The following SMYD3 variants were observed in gnomAD, a reference collection of about 807,000 sequenced individuals.
SMYD3 encodes histone-lysine N-methyltransferase SMYD3.
Under a neutral mutation model 57.7 loss-of-function variants are expected in SMYD3, and 36 were observed. That is an observed-to-expected ratio of 0.62 (90% CI 0.48 to 0.82). The LOEUF (loss-of-function observed/expected upper bound fraction) is 0.82. SMYD3 is among the 40% of genes least tolerant of loss of function. SMYD3 has a pLI of 0.00. For synonymous variants in SMYD3, 211 were observed against 195.0 expected, an observed-to-expected ratio of 1.08 and a Z score of -0.68; for missense variants, 515 against 538.8, an observed-to-expected ratio of 0.96 and a Z score of 0.44.
chr1:246,467,109 G>A (rs2103044807), intron 1 of SMYD3, among the ~76,000 whole-genome samples: 1 of 151,990 alleles, frequency 6.6e-6, no homozygotes, highest in African/African-American at 2.4e-5. Context: ...GGTGGAGGTT[G>A]GAGTGGGCTG....
At chr1:245,899,469 A>G (rs1323768699) in intron 8 of SMYD3, among the ~76,000 whole-genome samples, 2 of 152,230 alleles carry the variant, frequency 1.3e-5, no homozygotes, top group African/African-American at 2.4e-5. Context: ...ATGGCTGTCT[A>G]GTGTAATTCT....
intron 10 of SMYD3, among the ~76,000 whole-genome samples, chr1:245,823,189 G>A (rs765422450): frequency 1.3e-5 from 2 of 152,216 alleles, no homozygotes; most frequent in Non-Finnish European, 2.9e-5. Flanking sequence ...CCAGTAACAG[G>A]AATGGCATTT....
intron 1 of SMYD3, among the ~76,000 whole-genome samples, chr1:246,385,892 A>G (rs1043145911): frequency 1.1e-4 from 16 of 152,156 alleles, no homozygotes; most frequent in Non-Finnish European, 1.6e-4. Flanking sequence ...AAGGCAGTAG[A>G]ACACATACAC....
At chr1:246,292,795 G>C (rs2064720687) in intron 5 of SMYD3, among the ~76,000 whole-genome samples, 1 of 152,096 alleles carries the variant, frequency 6.6e-6, no homozygotes, top group African/African-American at 2.4e-5. Flanking sequence ...CTCTGCAAAA[G>C]GAACACAAAG....
At position 246,478,742 on chromosome 1, in the gene SMYD3, C is replaced by CCGTCCTGGAGCTGGTACGTAAGTGCT. The variant is rs2068061373; in HGVS notation, c.164+28311_164+28312insAGCACTTACGTACCAGCTCCAGGACG. 1.1e-3 allele frequency among the ~76,000 whole-genome samples: 2 copies of CCGTCCTGGAGCTGGTACGTAAGTGCT among 1,756 alleles called. 1 individual carries two copies. Among genetic ancestry groups the CCGTCCTGGAGCTGGTACGTAAGTGCT allele is most frequent in the African/African-American group, 1.3e-3 (2 of 1,490 alleles). The allele number at this position is 1,756 out of a possible 152,430, so 1.2% of individuals were successfully genotyped here. The stretch of plus-strand genomic sequence containing the variant: ...GTGCTCATATATGCACACCTGTCCT[C>CCGTCCTGGAGCTGGTACGTAAGTGCT]CATCTGGAGCTGGTACGTAAGTGCT... On this transcript the variant is annotated intron_variant, in intron 1 of 11. Transcript: ENST00000490107.
chr1:246,375,553 C>T, intron 1 of SMYD3, among the ~76,000 whole-genome samples: 1 of 152,004 alleles, frequency 6.6e-6, no homozygotes, highest in African/African-American at 2.4e-5. Context: ...TACAGTGGTC[C>T]TGAAAGAACA....
intron 5 of SMYD3, among the ~76,000 whole-genome samples, chr1:246,260,426 G>T (rs10924647): frequency 0.13 from 19,573 of 145,004 alleles, 1,369 homozygotes; most frequent in East Asian, 0.21. Flanking sequence ...TTTTCCTTTT[G>T]TTGTTGTTGT....
intron 11 of SMYD3, among the ~76,000 whole-genome samples, chr1:245,760,301 G>A (rs902289881): frequency 7.9e-5 from 12 of 152,268 alleles, no homozygotes; most frequent in African/African-American, 2.6e-4. Flanking sequence ...AGAGCATCCC[G>A]AGGGTGCCCG....
chr1:246,076,736 A>C (rs1832433), intron 5 of SMYD3, among the ~76,000 whole-genome samples: 30,264 of 151,180 alleles, frequency 0.2, 3,498 homozygotes, highest in East Asian at 0.4. Flanking sequence ...AAAACAGAAC[A>C]AAAAAAATGA....
intron 10 of SMYD3, among the ~76,000 whole-genome samples, chr1:245,854,190 G>A (rs571826478): frequency 6.6e-6 from 1 of 152,320 alleles, no homozygotes; most frequent in Non-Finnish European, 1.5e-5. Context: ...AGAAACAACG[G>A]AAGTCAACGT....
At chr1:246,414,161 A>T (rs2067020557) in intron 1 of SMYD3, among the ~76,000 whole-genome samples, 1 of 152,184 alleles carries the variant, frequency 6.6e-6, no homozygotes, top group Admixed American at 6.5e-5. Context: ...GCAGTCAGAG[A>T]GACATAGCTA....
intron 5 of SMYD3, among the ~76,000 whole-genome samples, chr1:245,967,316 A>AAT (rs2058180590): frequency 6.6e-6 from 1 of 152,180 alleles, no homozygotes; most frequent in Admixed American, 6.5e-5. Context: ...TTTGTCTTTA[A>AAT]AGTTATGGGC....
At chr1:246,496,030 TTTG>T (rs554577009) in intron 1 of SMYD3, among the ~76,000 whole-genome samples, 4 of 151,856 alleles carry the variant, frequency 2.6e-5, no homozygotes, top group Non-Finnish European at 5.9e-5. Flanking sequence ...TTCTTGATTT[TTTG>T]TTGTTGTTGT....
intron 5 of SMYD3, among the ~76,000 whole-genome samples, chr1:246,076,426 G>A (rs2060548632): frequency 6.6e-6 from 1 of 152,042 alleles, no homozygotes; most frequent in Non-Finnish European, 1.5e-5. Flanking sequence ...AGGTTTCAGT[G>A]TGTTTCTAAT....
chr1:246,500,341 C>A lies in SMYD3; in HGVS notation c.164+6713G>T, dbSNP rs138020893. On this transcript the variant is annotated intron_variant, in intron 1 of 11. Transcript: ENST00000490107. Reference sequence around the variant, plus strand: ...ATCGGCAAACATAAACAGTCAAAACCACAAGCATTAGCCCATTGCTCTAAT... The same window carrying A: ...ATCGGCAAACATAAACAGTCAAAACAACAAGCATTAGCCCATTGCTCTAAT... Among the ~76,000 whole-genome samples the A allele has an allele frequency of 2.1e-3, 323 of 152,254 alleles. 3 individuals are homozygous for A. Among genetic ancestry groups the A allele is most frequent in the African/African-American group, 7.5e-3 (311 of 41,556 alleles).
chr1:246,219,073 C>T (rs778172171), intron 5 of SMYD3, among the ~76,000 whole-genome samples: 101 of 152,126 alleles, frequency 6.6e-4, no homozygotes, highest in Admixed American at 3.2e-3. Flanking sequence ...ATTTTCCCCT[C>T]CAACTATTGA....
chr1:245,948,582 G>A (rs2057505072), intron 5 of SMYD3, among the ~76,000 whole-genome samples: 1 of 152,148 alleles, frequency 6.6e-6, no homozygotes, highest in Admixed American at 6.5e-5. Flanking sequence ...CGAGTCCTAA[G>A]CAGCTACAGC....
At chr1:245,791,518 T>C (rs562071676) in intron 10 of SMYD3, among the ~76,000 whole-genome samples, 27 of 151,212 alleles carry the variant, frequency 1.8e-4, no homozygotes, top group Non-Finnish European at 3.5e-4. Flanking sequence ...TGAACAGAGC[T>C]GTGGAGCACG....
At chr1:245,839,208 C>T (rs900318289) in intron 10 of SMYD3, among the ~76,000 whole-genome samples, 104 of 152,068 alleles carry the variant, frequency 6.8e-4, no homozygotes, top group Non-Finnish European at 1.2e-4. Flanking sequence ...CTCGCTCTTT[C>T]GCCCAGGCCG....
Sources: allele counts gnomAD v4.1 joint callset (sites outside exome capture counted in the v4.1 genomes callset), GRCh38; gene constraint gnomAD v4.1.1; transcripts MANE v1.5; gene names NCBI Gene and HGNC (gene_info 2026-07-23, HGNC 2026-07-21).